The following CATSPERT variants were observed in gnomAD, a reference collection of about 807,000 sequenced individuals.
The protein encoded by CATSPERT is catsper channel auxiliary subunit tau, also known as cation channel sperm-associated targeting subunit tau.
the CATSPERT span, among the ~76,000 whole-genome samples, chr2:201,597,913 A>T: frequency 6.6e-6 from 1 of 152,206 alleles, no homozygotes; most frequent in Non-Finnish European, 1.5e-5. Context: ...GATTTAAAAA[A>T]TTTTAACCTA....
At chr2:201,538,248 T>C in the CATSPERT span, among the ~76,000 whole-genome samples, 22 of 152,234 alleles carry the variant, frequency 1.4e-4, no homozygotes, top group African/African-American at 5.1e-4. Context: ...CTCACATATA[T>C]GGCATCATGC....
chr2:201,526,419 G>A, the CATSPERT span, among the ~76,000 whole-genome samples: 1 of 152,166 alleles, frequency 6.6e-6, no homozygotes, highest in Non-Finnish European at 1.5e-5. Context: ...TCAGGAGGCT[G>A]AGGCAGGACA....
At chr2:201,518,038 T>C in the CATSPERT span, among the ~76,000 whole-genome samples, 1 of 152,180 alleles carries the variant, frequency 6.6e-6, no homozygotes, top group Non-Finnish European at 1.5e-5. Flanking sequence ...GTCATTAGGA[T>C]TGCAGAGCCC....
the CATSPERT span, among the ~76,000 whole-genome samples, chr2:201,587,550 T>G: frequency 6.6e-6 from 1 of 152,200 alleles, no homozygotes; most frequent in Non-Finnish European, 1.5e-5. Context: ...TCAGCTGATA[T>G]TCTTATTGTT....
the CATSPERT span, chr2:201,582,263 A>C: frequency 6.5e-6 from 10 of 1,541,772 alleles, no homozygotes; most frequent in Non-Finnish European, 8.7e-6. Flanking sequence ...ATTTGAGCCT[A>C]AATATTTCTG....
the CATSPERT span, among the ~76,000 whole-genome samples, chr2:201,599,603 ATG>A: frequency 6.6e-6 from 1 of 152,002 alleles, no homozygotes; most frequent in East Asian, 1.9e-4. Flanking sequence ...TGTAGTTAAC[ATG>A]TGTCTTGCTT....
At chr2:201,565,901 G>A in the CATSPERT span, 1 of 1,556,420 alleles carries the variant, frequency 6.4e-7, no homozygotes, top group Non-Finnish European at 8.7e-7. Context: ...GTGAAATATT[G>A]AAATTATACA....
chr2:201,581,533 TGG>T, the CATSPERT span, among the ~76,000 whole-genome samples: 1 of 74,328 alleles, frequency 1.3e-5, no homozygotes, highest in Non-Finnish European at 2.6e-5. Context: ...TAAAATATTC[TGG>T]AAAAAAATGT....
chr2:201,614,233 G>A, the CATSPERT span, among the ~76,000 whole-genome samples: 1 of 152,186 alleles, frequency 6.6e-6, no homozygotes, highest in African/African-American at 2.4e-5. Context: ...TCCTCGAGAA[G>A]AGGAACTCCA....
the CATSPERT span, chr2:201,536,333 G>C: frequency 3.8e-6 from 6 of 1,565,216 alleles, no homozygotes. Flanking sequence ...AGAAAATACA[G>C]CAATAAAACA....
At chr2:201,488,309 G>C in the CATSPERT span, among the ~76,000 whole-genome samples, 2 of 152,044 alleles carry the variant, frequency 1.3e-5, no homozygotes, top group Admixed American at 6.5e-5. Context: ...CTCTCTCTCC[G>C]ACCCCAAATA....
At chr2:201,524,949 G>A in the CATSPERT span, among the ~76,000 whole-genome samples, 1 of 152,308 alleles carries the variant, frequency 6.6e-6, no homozygotes, top group African/African-American at 2.4e-5. Flanking sequence ...CAACACTGGA[G>A]CACCCAGATA....
chr2:201,541,242 A>G, the CATSPERT span, among the ~76,000 whole-genome samples: 1 of 152,128 alleles, frequency 6.6e-6, no homozygotes, highest in Non-Finnish European at 1.5e-5. Context: ...AATTCTATAT[A>G]AACTTAGTTG....
the CATSPERT span, among the ~76,000 whole-genome samples, chr2:201,559,555 T>C: frequency 6.6e-6 from 1 of 152,202 alleles, no homozygotes. Context: ...GACAAGCCAC[T>C]GCATGCCACC....
chr2:201,533,438 A>G, the CATSPERT span, among the ~76,000 whole-genome samples: 2 of 152,174 alleles, frequency 1.3e-5, no homozygotes, highest in African/African-American at 2.4e-5. Flanking sequence ...TATATGCCTC[A>G]TGTTTTCCCT....
chr2:201,535,743 T>C, the CATSPERT span: 15 of 1,347,528 alleles, frequency 1.1e-5, no homozygotes, highest in Non-Finnish European at 1.2e-5. Context: ...TTGGAGACAT[T>C]TGAATGCATT....
the CATSPERT span, among the ~76,000 whole-genome samples, chr2:201,559,477 G>A: frequency 6.6e-6 from 1 of 152,232 alleles, no homozygotes. Context: ...CTGAACAGCT[G>A]TGTGCCCACA....
At chr2:201,581,138 G>A in the CATSPERT span, among the ~76,000 whole-genome samples, 3 of 152,036 alleles carry the variant, frequency 2.0e-5, no homozygotes, top group East Asian at 5.8e-4. Flanking sequence ...AGGCACAGTG[G>A]CTCAGGCCTG....
chr2:201,521,858 C>A, the CATSPERT span, among the ~76,000 whole-genome samples: 7 of 152,108 alleles, frequency 4.6e-5, no homozygotes, highest in African/African-American at 1.7e-4. Context: ...AAACATGATA[C>A]ATCATATAAA....
Sources: allele counts gnomAD v4.1 joint callset (sites outside exome capture counted in the v4.1 genomes callset), GRCh38; gene constraint gnomAD v4.1.1; transcripts MANE v1.5; gene names NCBI Gene and HGNC (gene_info 2026-07-23, HGNC 2026-07-21).